Variants in RAD51B observed in about 807,000 individuals in gnomAD.
The protein encoded by RAD51B is DNA repair protein RAD51 homolog 2.
A neutral mutation model predicts 42.2 loss-of-function variants in RAD51B; 38 were observed. That is an observed-to-expected ratio of 0.90 (90% CI 0.70 to 1.18). The LOEUF is 1.18. RAD51B is among the 50% of genes most tolerant of loss of function. The probability of loss-of-function intolerance (pLI) is 0.00; values close to 1 mark genes in which losing one functional copy is unlikely to be tolerated. For missense variants in RAD51B, 373 were observed against 400.7 expected (o/e 0.93, Z 0.59); for synonymous variants, 154 against 145.2 (o/e 1.06, Z -0.43).
intron 9 of RAD51B, among the ~76,000 whole-genome samples, chr14:68,453,283 CT>C (rs2085603934): frequency 6.6e-6 from 1 of 152,098 alleles, no homozygotes; most frequent in African/African-American, 2.4e-5. Flanking sequence ...GAGCATGAAT[CT>C]TTTTGAGATA....
intron 10 of RAD51B, among the ~76,000 whole-genome samples, chr14:68,521,533 C>T (rs1886579816): frequency 1.3e-5 from 2 of 152,228 alleles, no homozygotes; most frequent in African/African-American, 4.8e-5. Flanking sequence ...AACCAGTTCA[C>T]ACAGATGTAT....
chr14:68,458,819 T>C (rs2085769352), intron 9 of RAD51B, among the ~76,000 whole-genome samples: 1 of 152,150 alleles, frequency 6.6e-6, no homozygotes, highest in African/African-American at 2.4e-5. Context: ...TCATGCCTGC[T>C]CAAATACAGT....
intron 7 of RAD51B, among the ~76,000 whole-genome samples, chr14:68,114,412 C>A (rs1290269288): frequency 6.6e-6 from 1 of 151,996 alleles, no homozygotes; most frequent in Non-Finnish European, 1.5e-5. Flanking sequence ...CATTGAATGG[C>A]ATTTTTAGTA....
At chr14:68,229,029 A>G (rs911797912) in intron 7 of RAD51B, among the ~76,000 whole-genome samples, 6 of 152,186 alleles carry the variant, frequency 3.9e-5, no homozygotes, top group Admixed American at 6.5e-5. Flanking sequence ...ATAAAACTCT[A>G]CTTTTTACCA....
At chr14:68,673,539 C>T (rs1893214247) in intron 11 of RAD51B, among the ~76,000 whole-genome samples, 1 of 151,394 alleles carries the variant, frequency 6.6e-6, no homozygotes. Flanking sequence ...CACACATACA[C>T]ATACATATGT....
At chr14:68,604,588 C>T (rs1891367331) in intron 10 of RAD51B, among the ~76,000 whole-genome samples, 1 of 152,196 alleles carries the variant, frequency 6.6e-6, no homozygotes, top group Non-Finnish European at 1.5e-5. Flanking sequence ...CTTCCTCGGC[C>T]CTGCCCATTA....
In RAD51B at chr14:68,399,171, G is replaced by T. The variant is rs969778772; in HGVS notation, c.854-12253G>T. 4.5e-4 allele frequency among the ~76,000 whole-genome samples: 68 copies of T among 151,752 alleles called. 1 individual carries two copies. Among genetic ancestry groups the T allele is most frequent in the Non-Finnish European group, 5.2e-4 (35 of 67,958 alleles). On this transcript the variant is annotated intron_variant, in intron 8 of 10. Coordinates refer to ENST00000471583, the MANE Select transcript of RAD51B (RefSeq NM_133510.4). ...CCTACATTTTCCCACTAATTTTTTT[G>T]GGGGGGAAGGAGAGTTCAAACCTAC...
At chr14:68,044,254 G>T (rs760187435) in intron 7 of RAD51B, among the ~76,000 whole-genome samples, 3 of 152,202 alleles carry the variant, frequency 2.0e-5, no homozygotes, top group Non-Finnish European at 4.4e-5. Context: ...TGAAACCAAA[G>T]GATATGAAGT....
chr14:67,912,009 C>T (rs1250874966), intron 7 of RAD51B, among the ~76,000 whole-genome samples: 1 of 152,184 alleles, frequency 6.6e-6, no homozygotes, highest in African/African-American at 2.4e-5. Flanking sequence ...AAATTAAATC[C>T]ACCAGCAATC....
chr14:68,475,267 GA>G (rs1402548585), intron 10 of RAD51B, among the ~76,000 whole-genome samples: 2 of 152,178 alleles, frequency 1.3e-5, no homozygotes, highest in Non-Finnish European at 1.5e-5. Context: ...CATGAGAAAA[GA>G]AAATGAATAT....
chr14:68,656,557 G>C (rs1450495001), intron 11 of RAD51B, among the ~76,000 whole-genome samples: 2 of 152,076 alleles, frequency 1.3e-5, no homozygotes, highest in Non-Finnish European at 2.9e-5. Flanking sequence ...GCCTCTGTGA[G>C]GGGTGCAGAG....
intron 11 of RAD51B, among the ~76,000 whole-genome samples, chr14:68,669,569 C>T (rs1303194127): frequency 6.6e-6 from 1 of 151,786 alleles, no homozygotes; most frequent in Non-Finnish European, 1.5e-5. Flanking sequence ...GTCTTTATTC[C>T]GTGCTTGTCA....
At chr14:68,217,897 A>G (rs568454463) in intron 7 of RAD51B, among the ~76,000 whole-genome samples, 1 of 152,340 alleles carries the variant, frequency 6.6e-6, no homozygotes, top group South Asian at 2.1e-4. Context: ...CTTGTTTAAG[A>G]TTAGTCTCTA....
At position 68,290,865 on chromosome 14, in the gene RAD51B, G is replaced by A. The variant is rs188182374; in HGVS notation, c.757-1019G>A. Among the ~76,000 whole-genome samples the A allele has an allele frequency of 3.7e-3, 561 of 152,000 alleles. 3 individuals carry two copies. The highest frequency in any genetic ancestry group is 0.013 in the African/African-American group (532 of 41,490). ...CTTGTTGCCCAGGCTGGAGTGCAATGGCACGATCTAAGCTCACTGCAACCT... is the reference window on the plus strand; with the variant it reads ...CTTGTTGCCCAGGCTGGAGTGCAATAGCACGATCTAAGCTCACTGCAACCT... On this transcript the variant is annotated intron_variant, in intron 7 of 10. Transcript: ENST00000471583.
chr14:68,597,688 T>G (rs961487757), downstream of RAD51B, among the ~76,000 whole-genome samples: 1 of 151,946 alleles, frequency 6.6e-6, no homozygotes, highest in African/African-American at 2.4e-5. Flanking sequence ...AGATAACTAT[T>G]GGGTACTGGG....
intron 7 of RAD51B, among the ~76,000 whole-genome samples, chr14:67,912,274 A>G (rs1251647514): frequency 6.6e-6 from 1 of 152,178 alleles, no homozygotes; most frequent in East Asian, 1.9e-4. Flanking sequence ...TCACTCGGAA[A>G]GGTCTTAGTT....
intron 7 of RAD51B, among the ~76,000 whole-genome samples, chr14:68,068,875 G>C (rs1371753518): frequency 1.3e-5 from 2 of 152,120 alleles, no homozygotes; most frequent in Non-Finnish European, 2.9e-5. Flanking sequence ...AAATGCCATA[G>C]AGCTCTCTAT....
intron 10 of RAD51B, among the ~76,000 whole-genome samples, chr14:68,577,649 C>T (rs1890022959): frequency 6.6e-6 from 1 of 152,142 alleles, no homozygotes; most frequent in African/African-American, 2.4e-5. Flanking sequence ...CATGATCCGC[C>T]TACCACGGCC....
At chr14:68,060,083 A>G (rs1036003452) in intron 7 of RAD51B, among the ~76,000 whole-genome samples, 4 of 152,196 alleles carry the variant, frequency 2.6e-5, no homozygotes, top group African/African-American at 9.6e-5. Flanking sequence ...TCCCAGTGCC[A>G]TGACCACTTT....
Sources: gnomAD v4.1 joint callset for allele counts (sites outside exome capture counted in the v4.1 genomes callset) on GRCh38, gnomAD v4.1.1 for gene constraint, MANE v1.5 for transcripts, NCBI Gene and HGNC (gene_info 2026-07-23, HGNC 2026-07-21) for gene names.